Variants in GPHN observed in about 807,000 individuals in gnomAD.
The protein encoded by GPHN is gephyrin.
A neutral mutation model predicts 95.5 loss-of-function variants in GPHN; 17 were observed. That is an observed-to-expected ratio of 0.18 (90% confidence interval 0.12 to 0.27). GPHN has a LOEUF of 0.27. Ranked by LOEUF, GPHN falls within the 10% of genes least tolerant of loss-of-function variation. The probability of loss-of-function intolerance (pLI) is 1.00; values close to 1 mark genes in which losing one functional copy is unlikely to be tolerated. For synonymous variants in GPHN, 320 were observed against 322.5 expected, an observed-to-expected ratio of 0.99 and a Z score of 0.08; for missense variants, 660 against 978.1, an observed-to-expected ratio of 0.67 and a Z score of 4.34.
chr14:67,690,478 C>T, the GPHN span: 2 of 1,490,068 alleles, frequency 1.3e-6, no homozygotes, highest in South Asian at 1.1e-5. Flanking sequence ...TGACAGGAGT[C>T]GTGGTGAGCA....
At chr14:67,148,498 C>G (rs2081033232) in intron 18 of GPHN, among the ~76,000 whole-genome samples, 1 of 151,532 alleles carries the variant, frequency 6.6e-6, no homozygotes, top group Admixed American at 6.6e-5. Context: ...GTCCTTGAGA[C>G]CTTTTAAGAG....
At chr14:66,787,858 T>TTA (rs1555406304) in intron 3 of GPHN, among the ~76,000 whole-genome samples, 85 of 150,612 alleles carry the variant, frequency 5.6e-4, no homozygotes, top group African/African-American at 1.4e-3. Flanking sequence ...ATAAAAAGTA[T>TTA]TATATATATA....
the GPHN span, among the ~76,000 whole-genome samples, chr14:67,300,101 T>G: frequency 6.6e-5 from 10 of 152,194 alleles, no homozygotes; most frequent in Non-Finnish European, 1.3e-4. Flanking sequence ...TAATATTTGC[T>G]GTGCCGTCCT....
chr14:67,442,278 G>T, the GPHN span, among the ~76,000 whole-genome samples: 15 of 152,234 alleles, frequency 9.9e-5, no homozygotes, highest in African/African-American at 3.6e-4. Context: ...GAACCAAGGG[G>T]TACACATTGC....
intron 1 of GPHN, among the ~76,000 whole-genome samples, chr14:66,528,400 T>A (rs2058776200): frequency 6.6e-6 from 1 of 152,204 alleles, no homozygotes; most frequent in Non-Finnish European, 1.5e-5. Flanking sequence ...CACCAATGGG[T>A]CTTGACTCTT....
chr14:66,963,612 G>A (rs1030371776), intron 8 of GPHN, among the ~76,000 whole-genome samples: 1 of 152,034 alleles, frequency 6.6e-6, no homozygotes, highest in Non-Finnish European at 1.5e-5. Flanking sequence ...AATTGGATAA[G>A]TGGCAACAAA....
At chr14:66,646,653 C>T (rs1192342639) in intron 1 of GPHN, among the ~76,000 whole-genome samples, 1 of 151,804 alleles carries the variant, frequency 6.6e-6, no homozygotes, top group East Asian at 1.9e-4. Context: ...TGTATAATTC[C>T]ACTTACATGA....
chr14:67,535,370 C>CT, the GPHN span, among the ~76,000 whole-genome samples: 5,334 of 74,210 alleles, frequency 0.072, 1,581 homozygotes, highest in East Asian at 0.27. Flanking sequence ...GTGAGCACAT[C>CT]TTTTTTTTTT....
the GPHN span, among the ~76,000 whole-genome samples, chr14:67,189,132 G>T: frequency 7.2e-5 from 11 of 152,192 alleles, no homozygotes; most frequent in Admixed American, 2.0e-4. Context: ...ATTATCAATT[G>T]TATGATCAAT....
At chr14:67,582,304 T>C in the GPHN span, 1 of 1,591,512 alleles carries the variant, frequency 6.3e-7, no homozygotes, top group Non-Finnish European at 8.6e-7. This position sits in a 1 kb window ranked among gnomAD's most constrained non-coding sequence, Gnocchi z 5.0. Flanking sequence ...CTGCAGATCC[T>C]GTGGTGCTCA....
chr14:66,730,903 A>T (rs2071706652), intron 2 of GPHN, among the ~76,000 whole-genome samples: 1 of 152,168 alleles, frequency 6.6e-6, no homozygotes. Flanking sequence ...CCATGTGTCA[A>T]GGGAAGGACC....
chr14:66,850,941 A>G (rs1011295296), intron 4 of GPHN, among the ~76,000 whole-genome samples: 2 of 152,136 alleles, frequency 1.3e-5, no homozygotes, highest in Non-Finnish European at 2.9e-5. Context: ...ATAATGTAAT[A>G]TAATTGTTAT....
At chr14:67,431,572 G>C in the GPHN span, among the ~76,000 whole-genome samples, 1,407 of 151,574 alleles carry the variant, frequency 9.3e-3, 29 homozygotes, top group African/African-American at 0.032. Flanking sequence ...CACATCTGTG[G>C]TCCCAGCTAC....
intron 21 of GPHN, among the ~76,000 whole-genome samples, chr14:67,177,638 C>T (rs1215699014): frequency 6.6e-6 from 1 of 152,024 alleles, no homozygotes; most frequent in Non-Finnish European, 1.5e-5. Flanking sequence ...ATCCTTGTTA[C>T]TTTTCTGTCT....
intron 17 of GPHN, among the ~76,000 whole-genome samples, chr14:67,122,733 AAG>A: frequency 6.6e-6 from 1 of 152,354 alleles, no homozygotes; most frequent in Non-Finnish European, 1.5e-5. Flanking sequence ...TAAGAAGAGA[AAG>A]AGAGATTGTC....
At chr14:67,603,145 C>T in the GPHN span, among the ~76,000 whole-genome samples, 1 of 152,136 alleles carries the variant, frequency 6.6e-6, no homozygotes, top group Admixed American at 6.5e-5. Context: ...TCATGGCTCA[C>T]TGCAGTCTCA....
At chr14:66,873,391 G>T (rs753881333) in intron 4 of GPHN, among the ~76,000 whole-genome samples, 1 of 152,086 alleles carries the variant, frequency 6.6e-6, no homozygotes, top group Non-Finnish European at 1.5e-5. Context: ...ACCCAGTGGC[G>T]CCTGGAATGC....
the GPHN span, chr14:67,724,568 C>A: frequency 6.2e-7 from 1 of 1,613,548 alleles, no homozygotes; most frequent in East Asian, 2.2e-5. Context: ...GGCAAGGAGA[C>A]GGCCAGAGAG....
At chr14:67,599,684 C>G in the GPHN span, among the ~76,000 whole-genome samples, 1 of 152,142 alleles carries the variant, frequency 6.6e-6, no homozygotes, top group African/African-American at 2.4e-5. Flanking sequence ...TCCTTGAACT[C>G]TTGGAATTAA....
Sources: allele counts gnomAD v4.1 joint callset (sites outside exome capture counted in the v4.1 genomes callset), GRCh38; gene constraint gnomAD v4.1.1; non-coding constraint Gnocchi (gnomAD v3.1); transcripts MANE v1.5; gene names NCBI Gene and HGNC (gene_info 2026-07-23, HGNC 2026-07-21).